TMEM182: variants seen among roughly 807,000 people sequenced by gnomAD.
The protein encoded by TMEM182 is transmembrane protein 182.
A neutral mutation model predicts 26.8 loss-of-function variants in TMEM182; 20 were observed. That is an observed-to-expected ratio of 0.75 (90% CI 0.53 to 1.09). TMEM182 has a LOEUF of 1.09. Ranked by LOEUF, TMEM182 falls within the 50% of genes least tolerant of loss-of-function variation. TMEM182 has a pLI of 0.00. For missense variants in TMEM182, 277 were observed against 275.5 expected, an observed-to-expected ratio of 1.01 and a Z score of -0.04; for synonymous variants, 109 against 102.2, an observed-to-expected ratio of 1.07 and a Z score of -0.40.
chr2:102,785,315 C>G (rs1025204605), intron 3 of TMEM182, among the ~76,000 whole-genome samples: 4 of 152,156 alleles, frequency 2.6e-5, no homozygotes, highest in African/African-American at 9.7e-5. Context: ...TTAAGAATCA[C>G]CTCCCCCAAA....
At position 102,816,932 on chromosome 2, in the gene TMEM182, A is replaced by G. The variant is rs1180995082; in HGVS notation, c.*1964A>G. 7 of 985,656 alleles carry G rather than the reference A, an allele frequency of 7.1e-6. No homozygotes were observed. Among genetic ancestry groups the G allele is most frequent in the Non-Finnish European group, 8.4e-6 (7 of 829,872 alleles). 61.1% of individuals were successfully genotyped at this position (985,656 alleles called of 1,614,324 possible). A position where few individuals can be genotyped will look rare whatever the true frequency, so the allele number is the denominator to read the frequency against. The stretch of plus-strand genomic sequence containing the variant: ...AATTTCAGATGGTTATCCTCACTTT[A>G]TAGTACACTTAAGTGGCTACCATAT... On this transcript the variant is annotated 3_prime_UTR_variant, in exon 5 of 5. Transcript: ENST00000412401.
At chr2:102,752,763 G>A (rs182763075) in intron 1 of TMEM182, among the ~76,000 whole-genome samples, 1 of 152,180 alleles carries the variant, frequency 6.6e-6, no homozygotes, top group African/African-American at 2.4e-5. Flanking sequence ...TCCATTACAT[G>A]TTTCCTGATA....
At chr2:102,802,639 T>C (rs567011486) in intron 4 of TMEM182, among the ~76,000 whole-genome samples, 13 of 152,180 alleles carry the variant, frequency 8.5e-5, no homozygotes, top group Non-Finnish European at 1.8e-4. Flanking sequence ...CAGGAAGTGT[T>C]AGGATGGGTA....
At chr2:102,763,373 C>T (rs530684885) in intron 2 of TMEM182, among the ~76,000 whole-genome samples, 13 of 151,960 alleles carry the variant, frequency 8.6e-5, no homozygotes, top group African/African-American at 3.1e-4. Context: ...AAATAGCTAG[C>T]GCTTATTTCA....
intron 2 of TMEM182, among the ~76,000 whole-genome samples, chr2:102,763,890 T>TA (rs1382785969): frequency 4.6e-5 from 7 of 152,206 alleles, no homozygotes; most frequent in Non-Finnish European, 8.8e-5. Flanking sequence ...CATTCTTCCC[T>TA]AAAATAAAAT....
downstream of TMEM182, among the ~76,000 whole-genome samples, chr2:102,820,100 T>A (rs1430573491): frequency 6.6e-6 from 1 of 152,226 alleles, no homozygotes; most frequent in Non-Finnish European, 1.5e-5. Context: ...TTCAATCCCC[T>A]TGCAGAAGAT....
chr2:102,829,489 A>G (rs1683109722), intron 3 of TMEM182, among the ~76,000 whole-genome samples: 2 of 152,152 alleles, frequency 1.3e-5, no homozygotes, highest in Admixed American at 6.5e-5. Flanking sequence ...CCTAACAGCA[A>G]TTTATACTGG....
intron 3 of TMEM182, among the ~76,000 whole-genome samples, chr2:102,795,955 C>T (rs1681851923): frequency 1.3e-5 from 2 of 152,116 alleles, no homozygotes; most frequent in South Asian, 2.1e-4. Flanking sequence ...TGTGATTCCT[C>T]TATCTAGAGG....
intron 3 of TMEM182, among the ~76,000 whole-genome samples, chr2:102,786,373 C>G (rs1296586681): frequency 6.6e-6 from 1 of 152,020 alleles, no homozygotes; most frequent in Non-Finnish European, 1.5e-5. Context: ...TGCCACCGCA[C>G]CTGGCTAATT....
chr2:102,805,095 T>G (rs919210728), intron 4 of TMEM182, among the ~76,000 whole-genome samples: 102 of 152,248 alleles, frequency 6.7e-4, no homozygotes, highest in Non-Finnish European at 1.3e-4. Context: ...TCAGCCTTGC[T>G]TAATATTATA....
chr2:102,808,932 G>T (rs1327279045), intron 4 of TMEM182, among the ~76,000 whole-genome samples: 1 of 152,186 alleles, frequency 6.6e-6, no homozygotes, highest in Non-Finnish European at 1.5e-5. Flanking sequence ...GAGGCATAAA[G>T]AACCTCTTTG....
intron 3 of TMEM182, among the ~76,000 whole-genome samples, chr2:102,787,966 CCACT>C (rs1184455399): frequency 6.6e-6 from 1 of 152,168 alleles, no homozygotes; most frequent in African/African-American, 2.4e-5. Context: ...TTAAAACTAG[CCACT>C]CAGAGGGACC....
intron 3 of TMEM182, among the ~76,000 whole-genome samples, chr2:102,766,266 A>G (rs1680430142): frequency 6.6e-6 from 1 of 152,206 alleles, no homozygotes; most frequent in Admixed American, 6.5e-5. Context: ...ATGGAGATGG[A>G]TTGTAAATAC....
intron 1 of TMEM182, among the ~76,000 whole-genome samples, chr2:102,738,848 A>G (rs893612117): frequency 1.1e-4 from 17 of 152,168 alleles, no homozygotes; most frequent in African/African-American, 4.1e-4. Context: ...ATATTTAATG[A>G]TGTTCAGATG....
chr2:102,808,658 T>A (rs1239578239), intron 4 of TMEM182, among the ~76,000 whole-genome samples: 1 of 152,156 alleles, frequency 6.6e-6, no homozygotes, highest in African/African-American at 2.4e-5. Context: ...GTAGTTTCAT[T>A]CATAATAGTT....
chr2:102,762,635 T>C lies in TMEM182; in HGVS notation c.181T>C (p.Phe61Leu), dbSNP rs144693740. ...HHEGFFWRCW[F>L]NGIVEENDSN... ...TGAAGGGTTCTTCTGGAGGTGTTGG[T>C]TTAATGGGATTGTGGAAGAGAATGA... The change falls in exon 2 of 5, where the codon TTT becomes CTT. Residue 61 changes from phenylalanine (F) to leucine (L), a missense_variant. By Grantham distance (22) the Phe-to-Leu change is conservative (BLOSUM62 0). Coordinates refer to ENST00000412401, the MANE Select transcript of TMEM182 (RefSeq NM_144632.5). The C allele has an allele frequency of 5.0e-6, 8 of 1,613,910 alleles. No homozygotes were observed. The highest frequency in any genetic ancestry group is 6.8e-6 in the Non-Finnish European group (8 of 1,179,946).
rs1185329175 is a variant in TMEM182 at position 102,816,076 on chromosome 2, T to C, written c.*1108T>C. 1.5e-5 allele frequency: 15 copies of C among 985,246 alleles called. No individual in the cohort carries two copies. The highest frequency in any genetic ancestry group is 1.8e-5 in the Non-Finnish European group (15 of 829,924). The allele number at this position is 985,246 out of a possible 1,614,324, so 61.0% of individuals were successfully genotyped here. On this transcript the variant is annotated 3_prime_UTR_variant, in exon 5 of 5. Transcript: ENST00000412401. Reference sequence around the variant, plus strand: ...TTCCTTTAACCTCCTAGAAGAAAGTTTTTGTGGGGAAAGATGATTCTGTAT... The same window carrying C: ...TTCCTTTAACCTCCTAGAAGAAAGTCTTTGTGGGGAAAGATGATTCTGTAT...
At chr2:102,818,362 G>A (rs994328100), downstream of TMEM182, among the ~76,000 whole-genome samples, 10 of 152,218 alleles carry the variant, frequency 6.6e-5, no homozygotes, top group East Asian at 1.2e-3. Context: ...AGTATCTTTC[G>A]TATTATAATA....
chr2:102,794,992 T>A (rs1681808969), intron 3 of TMEM182, among the ~76,000 whole-genome samples: 1 of 152,180 alleles, frequency 6.6e-6, no homozygotes. Flanking sequence ...GTTTTCAATC[T>A]TTTTTCTTTC....
Sources: gnomAD v4.1 joint callset for allele counts (sites outside exome capture counted in the v4.1 genomes callset) on GRCh38, gnomAD v4.1.1 for gene constraint, MANE v1.5 for transcripts, NCBI Gene and HGNC (gene_info 2026-07-23, HGNC 2026-07-21) for gene names.